Variants in LRRC37A observed in about 807,000 individuals in gnomAD.
LRRC37A encodes leucine rich repeat containing 37A.
LRRC37A carries 3 observed loss-of-function variants against 35.4 expected under a neutral mutation model. That is an observed-to-expected ratio of 0.08 (90% CI 0.04 to 0.22). The LOEUF (loss-of-function observed/expected upper bound fraction) is 0.22. LRRC37A is among the 10% of genes least tolerant of loss of function. The pLI is 1.00. For synonymous variants in LRRC37A, 23 were observed against 215.0 expected, an observed-to-expected ratio of 0.11 and a Z score of 7.81; for missense variants, 67 against 565.3, an observed-to-expected ratio of 0.12 and a Z score of 8.94.
upstream of LRRC37A, among the ~76,000 whole-genome samples, chr17:46,291,631 GACA>G (rs2050069863): frequency 6.6e-6 from 1 of 152,040 alleles, no homozygotes; most frequent in Non-Finnish European, 1.5e-5. Flanking sequence ...ATGAAAAAAA[GACA>G]ACCAGGGCCC....
the LRRC37A span, among the ~76,000 whole-genome samples, chr17:46,283,111 C>G: frequency 1.3e-5 from 2 of 151,996 alleles, no homozygotes; most frequent in African/African-American, 4.8e-5. Flanking sequence ...GGGTGAGACT[C>G]CATCTCAAAA....
At chr17:46,251,305 C>T in the LRRC37A span, among the ~76,000 whole-genome samples, 2 of 150,616 alleles carry the variant, frequency 1.3e-5, no homozygotes, top group Admixed American at 6.6e-5. Context: ...GTTGCCCAGG[C>T]TGGAGTGAAA....
chr17:46,268,775 C>CT, the LRRC37A span: 1 of 1,046,788 alleles, frequency 9.6e-7, no homozygotes. Flanking sequence ...AATGGGTCCT[C>CT]CTTTAGAAGA....
chr17:46,271,059 G>T, the LRRC37A span, among the ~76,000 whole-genome samples: 1 of 151,812 alleles, frequency 6.6e-6, no homozygotes, highest in Non-Finnish European at 1.5e-5. Context: ...AATACTTCTC[G>T]GTTGGCTCTT....
At chr17:46,259,553 G>C in the LRRC37A span, 1 of 1,611,502 alleles carries the variant, frequency 6.2e-7, no homozygotes, top group Admixed American at 1.7e-5. Context: ...TGGAGTCACT[G>C]TTTAACCATG....
chr17:46,265,363 CCTT>C, the LRRC37A span, among the ~76,000 whole-genome samples: 19 of 141,294 alleles, frequency 1.3e-4, no homozygotes, highest in Non-Finnish European at 2.7e-4. Flanking sequence ...TCCTCCTTCT[CCTT>C]CTTCTCCTTC....
At chr17:46,285,776 A>G in the LRRC37A span, among the ~76,000 whole-genome samples, 1 of 152,234 alleles carries the variant, frequency 6.6e-6, no homozygotes, top group African/African-American at 2.4e-5. Context: ...GAGAGTCAGT[A>G]AATAATCACT....
the LRRC37A span, among the ~76,000 whole-genome samples, chr17:46,283,030 A>G: frequency 2.6e-5 from 4 of 152,172 alleles, no homozygotes; most frequent in African/African-American, 4.8e-5. Context: ...GAGGCAGGAG[A>G]ATCGCTTGAA....
chr17:46,255,917 T>C, the LRRC37A span, among the ~76,000 whole-genome samples: 1 of 151,728 alleles, frequency 6.6e-6, no homozygotes, highest in Non-Finnish European at 1.5e-5. Flanking sequence ...CCTCGTGATC[T>C]GCCTGCCTCA....
chr17:46,249,177 C>T, the LRRC37A span, among the ~76,000 whole-genome samples: 4 of 152,088 alleles, frequency 2.6e-5, no homozygotes, highest in African/African-American at 9.7e-5. Context: ...GACAACTGTT[C>T]ACTCCTTTTT....
At chr17:46,275,571 T>C in the LRRC37A span, among the ~76,000 whole-genome samples, 1 of 152,242 alleles carries the variant, frequency 6.6e-6, no homozygotes, top group Admixed American at 6.5e-5. Flanking sequence ...TAAGAAATTT[T>C]TAACCTATAA....
the LRRC37A span, chr17:46,267,107 C>G: frequency 9.7e-6 from 4 of 410,982 alleles, no homozygotes; most frequent in South Asian, 5.8e-5. Flanking sequence ...TTGCGCTTGC[C>G]GGGCGGGCAT....
chr17:46,283,475 A>G, the LRRC37A span, among the ~76,000 whole-genome samples: 1 of 152,260 alleles, frequency 6.6e-6, no homozygotes, highest in Non-Finnish European at 1.5e-5. Context: ...CACTACATCA[A>G]TGAACCCAAA....
the LRRC37A span, chr17:46,274,914 C>G: frequency 2.0e-5 from 3 of 151,690 alleles, no homozygotes; most frequent in Non-Finnish European, 4.4e-5. Context: ...GTTTTTGAAA[C>G]GGAGTTTTGT....
chr17:46,264,597 C>T, the LRRC37A span, among the ~76,000 whole-genome samples: 8 of 152,362 alleles, frequency 5.3e-5, no homozygotes, highest in African/African-American at 1.7e-4. Context: ...TGATTTCTCA[C>T]TGTAAATTAA....
the LRRC37A span, among the ~76,000 whole-genome samples, chr17:46,248,594 A>C: frequency 0.13 from 19,645 of 151,764 alleles, no homozygotes; most frequent in Middle Eastern, 0.2. Flanking sequence ...ACCTAGACTC[A>C]CTGCAACCTC....
the LRRC37A span, among the ~76,000 whole-genome samples, chr17:46,261,735 TAAA>T: frequency 2.6e-3 from 228 of 86,440 alleles, 1 homozygote; most frequent in Non-Finnish European, 3.6e-3. Context: ...TTTTAACCAC[TAAA>T]AAAAAAAAAA....
At chr17:46,314,799 A>AT (rs2050981815) in intron 5 of LRRC37A, among the ~76,000 whole-genome samples, 1 of 81,916 alleles carries the variant, frequency 1.2e-5, no homozygotes, top group Admixed American at 1.3e-4. Flanking sequence ...CTGGTCTGTA[A>AT]TTTTTTGTGT....
At chr17:46,323,958 A>C (rs2051553385) in intron 7 of LRRC37A, among the ~76,000 whole-genome samples, 1 of 101,660 alleles carries the variant, frequency 9.8e-6, no homozygotes, top group African/African-American at 3.2e-5. Flanking sequence ...TACAAACATT[A>C]TGTCATTTCA....
Sources: gnomAD v4.1 joint callset for allele counts (sites outside exome capture counted in the v4.1 genomes callset) on GRCh38, gnomAD v4.1.1 for gene constraint, MANE v1.5 for transcripts, NCBI Gene and HGNC (gene_info 2026-07-23, HGNC 2026-07-21) for gene names.